The following DNAH12 variants were observed in gnomAD, a reference collection of about 807,000 sequenced individuals.
DNAH12 encodes axonemal beta dynein heavy chain 12.
A neutral mutation model predicts 371.5 loss-of-function variants in DNAH12; 285 were observed. The ratio of observed to expected loss-of-function variants is 0.77; its 90% CI spans 0.70 to 0.85. The LOEUF (loss-of-function observed/expected upper bound fraction) is 0.85. Among genes scored for constraint, DNAH12 ranks in the 40% least tolerant of loss-of-function variants. The pLI, the probability that DNAH12 is intolerant of heterozygous loss-of-function variation, is 0.00. For synonymous variants in DNAH12, 1,200 were observed against 1,213.0 expected (o/e 0.99, Z 0.22); for missense variants, 3,611 against 3,689.4 (o/e 0.98, Z 0.55).
chr3:57,393,429 C>T (rs1276984264), intron 44 of DNAH12, among the ~76,000 whole-genome samples: 1 of 151,750 alleles, frequency 6.6e-6, no homozygotes, highest in African/African-American at 2.4e-5. Flanking sequence ...AGATTGAGAC[C>T]ATCGTGGCTA....
Position 57,472,669 on chromosome 3 carries a change from T to C in DNAH12, c.1653A>G (p.Glu551=). 1 of 1,548,968 alleles carries C rather than the reference T, an allele frequency of 6.5e-7. No individual in the cohort carries two copies. The highest frequency in any genetic ancestry group is 8.7e-7 in the Non-Finnish European group (1 of 1,146,162). ...AAAAGTAACTCATTTGGCGTTTAGA[T>C]TCCTACAAAAGAAACTCTGGATATA... ...GIEELILRIQ[E]SKRQMSYFLD... Residue 551 remains glutamate, a splice_region_variant and synonymous_variant, in exon 14 of 74, where the codon GAA becomes GAG. Transcript: ENST00000495027.
rs11395278 is a variant in DNAH12 at position 57,516,053 on chromosome 3, C to CTTTTTTTTT, written c.280-5083_280-5075dup. On this transcript the variant is annotated intron_variant, in intron 4 of 73. Transcript: ENST00000495027. ...CCACTCCATTAATGTACTGCTTAGT[C>CTTTTTTTTT]TTTTTTTTTTTTTTTTTTTTTTTTT... is the stretch of plus-strand genomic sequence containing the variant. Among the ~76,000 whole-genome samples the CTTTTTTTTT allele has an allele frequency of 7.2e-4, 52 of 71,992 alleles. 2 individuals carry two copies. Among genetic ancestry groups the CTTTTTTTTT allele is most frequent in the Admixed American group, 2.1e-3 (8 of 3,888 alleles). The allele number at this position is 71,992 out of a possible 152,430, so 47.2% of individuals were successfully genotyped here.
chr3:57,500,225 G>A (rs995941927), intron 11 of DNAH12, among the ~76,000 whole-genome samples: 4 of 152,054 alleles, frequency 2.6e-5, no homozygotes, highest in Admixed American at 1.3e-4. Context: ...ATTTTTAGTA[G>A]AGATGGGGTT....
intron 60 of DNAH12, among the ~76,000 whole-genome samples, chr3:57,345,392 C>T (rs1275096448): frequency 2.6e-5 from 4 of 152,036 alleles, no homozygotes; most frequent in African/African-American, 9.7e-5. Context: ...ATAATGTATA[C>T]AAAGAATTAT....
At chr3:57,545,729 A>G (rs768257933), upstream of DNAH12, among the ~76,000 whole-genome samples, 7 of 152,074 alleles carry the variant, frequency 4.6e-5, no homozygotes, top group Non-Finnish European at 7.4e-5. Flanking sequence ...GCAGGCACCA[A>G]TAAGGGAACT....
At chr3:57,433,888 TC>T in intron 30 of DNAH12, 60 bp from the exon 31 acceptor site, 1 of 1,359,666 alleles carries the variant, frequency 7.4e-7, no homozygotes, top group Non-Finnish European at 9.5e-7. Flanking sequence ...ATAATTTATA[TC>T]AGTATATAAA....
chr3:57,354,089 A>G (rs1428798345), intron 59 of DNAH12, among the ~76,000 whole-genome samples: 2 of 152,300 alleles, frequency 1.3e-5, no homozygotes, highest in East Asian at 1.9e-4. Flanking sequence ...TCACAGTACT[A>G]TTCACAATAG....
Position 57,462,809 on chromosome 3 carries a change from A to T in DNAH12, c.2416T>A (p.Ser806Thr), listed in dbSNP as rs552873320. Residue 806 changes from serine (S) to threonine (T), a missense_variant, in exon 18 of 74, where the codon TCA (serine) becomes ACA (threonine). Coordinates refer to ENST00000495027, the MANE Select transcript of DNAH12 (RefSeq NM_001366028.2). ...GMRARHWKQI[S>T]EIVGYDLTPD... ...GTCAAGTCATAGCCTACAATTTCTGATATCTGTTTCCAGTGACGAGCTCTC... is the reference window on the plus strand; with the variant it reads ...GTCAAGTCATAGCCTACAATTTCTGTTATCTGTTTCCAGTGACGAGCTCTC... 1.9e-6 allele frequency: 3 copies of T among 1,551,500 alleles called. No homozygotes were observed. In the Admixed American group the frequency reaches 5.9e-5, roughly 30 times the overall value.
the DNAH12 span, among the ~76,000 whole-genome samples, chr3:57,549,930 CT>C: frequency 4.6e-5 from 7 of 151,820 alleles, no homozygotes; most frequent in African/African-American, 1.7e-4. Flanking sequence ...GGCTTACTAT[CT>C]TTTATTAATA....
At chr3:57,298,812 G>A (rs1319328735) in intron 70 of DNAH12, among the ~76,000 whole-genome samples, 1 of 152,178 alleles carries the variant, frequency 6.6e-6, no homozygotes, top group African/African-American at 2.4e-5. Context: ...TTACTATAGT[G>A]TACTAATTTT....
At chr3:57,361,444 C>CACAATATATATATATATATATATA (rs1409626573) in intron 58 of DNAH12, among the ~76,000 whole-genome samples, 1 of 116,722 alleles carries the variant, frequency 8.6e-6, no homozygotes, top group African/African-American at 4.2e-5. Context: ...CACACACACA[C>CACAATATATATATATATATATATA]TATATATATA....
At chr3:57,366,209 C>T (rs1220170880) in intron 57 of DNAH12, among the ~76,000 whole-genome samples, 2 of 152,160 alleles carry the variant, frequency 1.3e-5, no homozygotes, top group African/African-American at 4.8e-5. Flanking sequence ...CACTGCTACA[C>T]CCCACCAGTG....
intron 43 of DNAH12, among the ~76,000 whole-genome samples, chr3:57,401,563 CAAAA>C (rs71294714): frequency 7.4e-5 from 5 of 67,992 alleles, no homozygotes; most frequent in African/African-American, 3.6e-4. Context: ...GACTCCATCT[CAAAA>C]AAAAAAAAAA....
intron 60 of DNAH12, among the ~76,000 whole-genome samples, chr3:57,350,474 G>T (rs138401335): frequency 6.6e-5 from 10 of 152,238 alleles, no homozygotes; most frequent in African/African-American, 1.9e-4. Context: ...GTGGAGAGCT[G>T]CATGGTAAAA....
At chr3:57,308,868 C>G (rs369893118) in intron 69 of DNAH12, among the ~76,000 whole-genome samples, 6 of 152,018 alleles carry the variant, frequency 3.9e-5, no homozygotes, top group African/African-American at 9.7e-5. Context: ...CATACAAAAC[C>G]GTATCCAGGC....
At chr3:57,426,718 T>C (rs928787041) in intron 34 of DNAH12, among the ~76,000 whole-genome samples, 8 of 151,570 alleles carry the variant, frequency 5.3e-5, no homozygotes, top group African/African-American at 1.9e-4. Context: ...ACGCCTGTAA[T>C]TGTGCCTGTA....
chr3:57,310,258 A>G (rs1006709339), intron 67 of DNAH12, among the ~76,000 whole-genome samples: 1 of 152,180 alleles, frequency 6.6e-6, no homozygotes. Context: ...TCCTTTATCT[A>G]GTCATGTCTC....
Position 57,306,311 on chromosome 3 carries a change from G to T in DNAH12, c.11189+2840C>A, listed in dbSNP as rs574742990. On this transcript the variant is annotated intron_variant, in intron 69 of 73. Coordinates refer to ENST00000495027, the MANE Select transcript of DNAH12 (RefSeq NM_001366028.2). ...TTTTCAAGGGTCTGTTTCCCTTGCC[G>T]CCATAACTGTTGTGGGTATTGACGG... Among the ~76,000 whole-genome samples, 47 of 152,120 alleles carry T rather than the reference G, an allele frequency of 3.1e-4. No homozygotes were observed. The East Asian group carries it at 3.9e-3, about 13-fold the overall frequency.
In DNAH12 at chr3:57,501,376, A is replaced by T; in HGVS notation, c.1280T>A (p.Val427Asp). 1 of 1,594,572 alleles carries T rather than the reference A, an allele frequency of 6.3e-7. No individual in the cohort carries two copies. ...KYNWLLDGTA[V>D]ENIETFQTED... ...TGTCTGAAAAGTCTCTATATTCTCA[A>T]CTGCAGTCCCATCAAGGAGCCAATT... The change falls in exon 11 of 74, where the codon GTT (valine) becomes GAT (aspartate). Residue 427 changes from valine to aspartate, a missense_variant. Physicochemically the swap from Val to Asp is radical, Grantham distance 152 (BLOSUM62 -3). This residue lies in a region of DNAH12 where 1,314 missense variants were observed against 1,398.7 expected (regional missense o/e 0.94). Coordinates refer to ENST00000495027, the MANE Select transcript of DNAH12 (RefSeq NM_001366028.2).
Sources: allele counts gnomAD v4.1 joint callset (sites outside exome capture counted in the v4.1 genomes callset), GRCh38; gene constraint gnomAD v4.1.1; regional missense constraint gnomAD v4.1.1; transcripts MANE v1.5; gene names NCBI Gene and HGNC (gene_info 2026-07-23, HGNC 2026-07-21).